The following SEMA3A variants were observed in gnomAD, a reference collection of about 807,000 sequenced individuals.
The protein encoded by SEMA3A is semaphorin-3A.
A neutral mutation model predicts 97.9 loss-of-function variants in SEMA3A; 29 were observed. The observed-to-expected ratio is 0.30, with a 90% CI of 0.22 to 0.40. The LOEUF is 0.40. Ranked by LOEUF, SEMA3A falls within the 10% of genes least tolerant of loss-of-function variation. SEMA3A has a pLI of 1.00. For synonymous variants in SEMA3A, 321 were observed against 323.7 expected (o/e 0.99, Z 0.09); for missense variants, 763 against 951.3 (o/e 0.80, Z 2.60).
chr7:84,388,789 C>T (rs73711549), intron 1 of SEMA3A, among the ~76,000 whole-genome samples: 17,489 of 151,862 alleles, frequency 0.12, 1,898 homozygotes, highest in African/African-American at 0.27. Context: ...AAACAAGCCC[C>T]GCAGCATTTC....
intron 1 of SEMA3A, among the ~76,000 whole-genome samples, chr7:84,422,002 G>A (rs1459029762): frequency 6.6e-6 from 1 of 152,068 alleles, no homozygotes; most frequent in Non-Finnish European, 1.5e-5. Flanking sequence ...TCTCTGCCAG[G>A]TTTTGGCATC....
intron 6 of SEMA3A, among the ~76,000 whole-genome samples, chr7:84,019,147 AATC>A (rs1237020842): frequency 1.3e-5 from 2 of 151,988 alleles, no homozygotes; most frequent in Admixed American, 6.6e-5. Context: ...TAGTGAGAAA[AATC>A]ATAAAAAAGA....
intron 1 of SEMA3A, among the ~76,000 whole-genome samples, chr7:84,438,205 C>T (rs1805185035): frequency 6.6e-6 from 1 of 151,968 alleles, no homozygotes; most frequent in African/African-American, 2.4e-5. Context: ...AATAGAAAGA[C>T]CAGAATGACT....
Position 84,289,567 on chromosome 7 carries a change from A to G in SEMA3A, c.-83+17640T>C, listed in dbSNP as rs148747710. Among the ~76,000 whole-genome samples the G allele has an allele frequency of 3.4e-4, 52 of 152,268 alleles. No homozygotes were observed. The East Asian group carries it at 9.8e-3, about 29-fold the overall frequency. On this transcript the variant is annotated intron_variant, in intron 3 of 3. Coordinates refer to the SEMA3A transcript ENST00000424555. ...CAAAATAAATGCAATGAAAACCACA[A>G]TGAGAAACTACTTCACAAAAACTAG...
intron 4 of SEMA3A, among the ~76,000 whole-genome samples, chr7:84,085,939 C>T (rs968752003): frequency 2.0e-5 from 3 of 152,236 alleles, no homozygotes; most frequent in Admixed American, 6.5e-5. Flanking sequence ...GACTGTTTGG[C>T]TCCCACAATT....
Position 84,472,634 on chromosome 7 carries a change from A to G in SEMA3A, c.-246+19826T>C, listed in dbSNP as rs375264377. 2.6e-5 allele frequency among the ~76,000 whole-genome samples: 4 copies of G among 152,192 alleles called. No homozygotes were observed. In the South Asian group the frequency reaches 8.3e-4, roughly 31 times the overall value. On this transcript the variant is annotated intron_variant, in intron 1 of 3. Coordinates refer to the SEMA3A transcript ENST00000424555. ...ACACCTTTAAATATTTTAGAGCTAAATAAAATCTTCTGTTAAAAGTAAACT... is the reference window on the plus strand; with the variant it reads ...ACACCTTTAAATATTTTAGAGCTAAGTAAAATCTTCTGTTAAAAGTAAACT...
chr7:84,428,351 A>G (rs1411431723), intron 1 of SEMA3A, among the ~76,000 whole-genome samples: 1 of 152,106 alleles, frequency 6.6e-6, no homozygotes. Flanking sequence ...TTCTCCTTAA[A>G]GATAGTAAAA....
intron 1 of SEMA3A, among the ~76,000 whole-genome samples, chr7:84,430,217 A>G (rs1036771814): frequency 1.3e-5 from 2 of 152,004 alleles, no homozygotes; most frequent in Non-Finnish European, 2.9e-5. Context: ...ACACATGTTC[A>G]GAATAAAACA....
intron 1 of SEMA3A, among the ~76,000 whole-genome samples, chr7:84,183,699 T>C (rs1261653595): frequency 6.6e-6 from 1 of 152,140 alleles, no homozygotes; most frequent in Non-Finnish European, 1.5e-5. Flanking sequence ...GCTATCATTT[T>C]GCACATTCCA....
chr7:84,101,089 T>C (rs1794947062), intron 4 of SEMA3A, among the ~76,000 whole-genome samples: 1 of 152,180 alleles, frequency 6.6e-6, no homozygotes, highest in Admixed American at 6.5e-5. Context: ...AACCCTATGA[T>C]GTCATTTTTT....
chr7:84,066,756 T>G (rs1469424221), intron 4 of SEMA3A, among the ~76,000 whole-genome samples: 1 of 151,762 alleles, frequency 6.6e-6, no homozygotes, highest in Non-Finnish European at 1.5e-5. Flanking sequence ...AAACCACTGC[T>G]CAATGAAATA....
At chr7:83,968,925 C>T (rs1432668286) in intron 15 of SEMA3A, among the ~76,000 whole-genome samples, 1 of 151,084 alleles carries the variant, frequency 6.6e-6, no homozygotes, top group Admixed American at 6.6e-5. Context: ...ATTCTCCTGC[C>T]TCAGCCTCCA....
intron 2 of SEMA3A, among the ~76,000 whole-genome samples, chr7:84,358,674 G>A (rs76107066): frequency 0.29 from 43,283 of 151,508 alleles, 6,594 homozygotes; most frequent in African/African-American, 0.38. Context: ...TTCTCTGAAG[G>A]AAGTCATTTG....
chr7:84,175,270 A>T (rs954825828), intron 1 of SEMA3A, among the ~76,000 whole-genome samples: 6 of 152,224 alleles, frequency 3.9e-5, no homozygotes, highest in Non-Finnish European at 4.4e-5. Flanking sequence ...CATAGAATCA[A>T]TTCTGGCCAA....
At chr7:84,027,868 A>G (rs1400327085) in intron 6 of SEMA3A, among the ~76,000 whole-genome samples, 1 of 152,168 alleles carries the variant, frequency 6.6e-6, no homozygotes, top group Non-Finnish European at 1.5e-5. Context: ...AGAACAACAT[A>G]CTATTGTGAA....
At chr7:84,329,398 T>C (rs1464956467) in intron 2 of SEMA3A, among the ~76,000 whole-genome samples, 1 of 152,064 alleles carries the variant, frequency 6.6e-6, no homozygotes. Context: ...GGTTTATTTA[T>C]TTTATTTTAT....
At chr7:84,254,751 C>T (rs530035807) in intron 3 of SEMA3A, among the ~76,000 whole-genome samples, 4 of 152,162 alleles carry the variant, frequency 2.6e-5, no homozygotes, top group Admixed American at 1.3e-4. Flanking sequence ...TTACCTATAA[C>T]CCTTGCTTTG....
chr7:84,060,447 T>C lies in SEMA3A; in HGVS notation c.547+18A>G. The C allele has an allele frequency of 6.7e-7, 1 of 1,486,534 alleles. No individual in the cohort carries two copies. Among genetic ancestry groups the C allele is most frequent in the Middle Eastern group, 1.7e-4 (1 of 5,806 alleles). 92.1% of individuals were successfully genotyped at this position (1,486,534 alleles called of 1,614,324 possible). On this transcript the variant is annotated intron_variant, in intron 5 of 16. Transcript: ENST00000265362. ...ATTTATAGAAAACTCACTATTTAAT[T>C]GATTGTTGACTACGCACCTATTAAA...
At chr7:84,047,552 T>A (rs992762249) in intron 5 of SEMA3A, among the ~76,000 whole-genome samples, 1 of 137,966 alleles carries the variant, frequency 7.2e-6, no homozygotes, top group African/African-American at 2.5e-5. Flanking sequence ...AATTACTCTT[T>A]CTTTCTTGGA....
Sources: allele counts gnomAD v4.1 joint callset (sites outside exome capture counted in the v4.1 genomes callset), GRCh38; gene constraint gnomAD v4.1.1; transcripts MANE v1.5; gene names NCBI Gene and HGNC (gene_info 2026-07-23, HGNC 2026-07-21).